ARHGAP39: variants seen among roughly 807,000 people sequenced by gnomAD.
The protein encoded by ARHGAP39 is Rho GTPase activating protein 39, also known as rho GTPase-activating protein 39.
In ARHGAP39, 44 loss-of-function variants were observed where a neutral mutation model predicts 106.9. The observed-to-expected ratio is 0.41, with a 90% confidence interval of 0.32 to 0.53. The LOEUF is 0.53. Among genes scored for constraint, ARHGAP39 ranks in the 20% least tolerant of loss-of-function variants. The pLI is 0.21. For missense variants in ARHGAP39, 1,496 were observed against 1,577.3 expected, an observed-to-expected ratio of 0.95 and a Z score of 0.87; for synonymous variants, 768 against 693.2, an observed-to-expected ratio of 1.11 and a Z score of -1.69.
intron 1 of ARHGAP39, among the ~76,000 whole-genome samples, chr8:144,681,448 C>T (rs1055355970): frequency 4.6e-5 from 7 of 152,274 alleles, no homozygotes; most frequent in African/African-American, 9.6e-5. Flanking sequence ...TGAGACGGAT[C>T]GCATAAGGTC....
chr8:144,693,076 TTTTA>T, the ARHGAP39 span, among the ~76,000 whole-genome samples: 1 of 142,862 alleles, frequency 7.0e-6, no homozygotes, highest in African/African-American at 2.6e-5. Context: ...TTTTTTTTTT[TTTTA>T]TTGAGACAGA....
chr8:144,601,676 G>C (rs1216985455), intron 2 of ARHGAP39, among the ~76,000 whole-genome samples: 6 of 142,644 alleles, frequency 4.2e-5, no homozygotes, highest in African/African-American at 1.6e-4. Flanking sequence ...GTGCGTGCGA[G>C]CTCATGTACC....
chr8:144,579,732 T>C (rs1342022167), intron 3 of ARHGAP39, among the ~76,000 whole-genome samples: 1 of 152,162 alleles, frequency 6.6e-6, no homozygotes, highest in African/African-American at 2.4e-5. Context: ...AAGCCTCAGA[T>C]GAGCCCGGCA....
chr8:144,535,680 C>G (rs1232577268), intron 7 of ARHGAP39, among the ~76,000 whole-genome samples: 2 of 152,242 alleles, frequency 1.3e-5, no homozygotes, highest in African/African-American at 4.8e-5. Flanking sequence ...AGGCCCTGAT[C>G]TCCTGTCCCC....
In ARHGAP39 at chr8:144,530,780, GGGGCTGTCGTAGTGCGCGAT is replaced by G; in HGVS notation, c.3052_3071del (p.Ile1018ArgfsTer147). 6.2e-7 allele frequency: 1 copy of G among 1,611,532 alleles called. No homozygotes were observed. The highest frequency in any genetic ancestry group is 1.1e-5 in the South Asian group (1 of 90,920). On this transcript the variant is annotated frameshift_variant, in exon 11 of 12. Transcript: ENST00000377307. LOFTEE classifies it high-confidence loss of function. ...CGTGCACCACGGCCACCGCCGCCTC[GGGGCTGTCGTAGTGCGCGAT>G]GCACTGCTCGTAGAACTCGTGCGGG... is the stretch of plus-strand genomic sequence containing the variant.
chr8:144,533,320 C>T lies in ARHGAP39; in HGVS notation c.2694G>A (p.Leu898=). 4 of 1,612,698 alleles carry T rather than the reference C, an allele frequency of 2.5e-6. No homozygotes were observed. Among genetic ancestry groups the T allele is most frequent in the South Asian group, 2.2e-5 (2 of 91,084 alleles). ...GGATCTCCTCCACGTTGGGCTTCTT[C>T]AGCCCCTGTGAAGACAGAGGCTCCG... ...KAALTGAKKG[L]KKPNVEEIRH... is the part of the protein sequence containing the mutation. The change falls in exon 9 of 12, where the codon CTG becomes CTA. Residue 898 remains leucine, a synonymous_variant. Transcript: ENST00000377307.
rs1219547449 is a variant in ARHGAP39, at chr8:144,644,788, C to A, written c.-81-39093G>T. 6.6e-6 allele frequency among the ~76,000 whole-genome samples: 1 copy of A among 152,208 alleles called. No individual in the cohort carries two copies. Among genetic ancestry groups the A allele is most frequent in the African/African-American group, 2.4e-5 (1 of 41,444 alleles). The stretch of plus-strand genomic sequence containing the variant: ...GTGTCTGCACAGCTCTTGGCTGCAC[C>A]TGCACTCTGAGTCATTGCAGGCACC... On this transcript the variant is annotated intron_variant, in intron 1 of 11. Coordinates refer to ENST00000377307, the MANE Select transcript of ARHGAP39 (RefSeq NM_025251.3). This position sits in a 1 kb window ranked among gnomAD's most constrained non-coding sequence, Gnocchi z 4.8.
chr8:144,573,774 A>T (rs1036104355), intron 3 of ARHGAP39, among the ~76,000 whole-genome samples: 13 of 152,194 alleles, frequency 8.5e-5, no homozygotes, highest in Non-Finnish European at 1.6e-4. Context: ...TCAAAAAAAT[A>T]AAAAAATTAT....
intron 2 of ARHGAP39, among the ~76,000 whole-genome samples, chr8:144,594,694 CAA>C (rs56889764): frequency 0.02 from 1,591 of 80,242 alleles, 32 homozygotes; most frequent in African/African-American, 0.061. Flanking sequence ...AACGCCACCT[CAA>C]AAAAAAAAAA....
the ARHGAP39 span, chr8:144,698,887 T>G: frequency 2.2e-6 from 1 of 455,672 alleles, no homozygotes; most frequent in Non-Finnish European, 4.4e-6. Flanking sequence ...CACCCCTCCC[T>G]TGGGGGGGTT....
At chr8:144,662,622 C>A (rs375710562) in intron 1 of ARHGAP39, among the ~76,000 whole-genome samples, 1 of 149,972 alleles carries the variant, frequency 6.7e-6, no homozygotes, top group Admixed American at 6.6e-5. Context: ...CACCTTGGGC[C>A]GCTCCCCACT....
intron 2 of ARHGAP39, among the ~76,000 whole-genome samples, chr8:144,602,487 C>T (rs564391655): frequency 3.6e-5 from 4 of 110,882 alleles, no homozygotes; most frequent in African/African-American, 3.6e-5. Flanking sequence ...GGTGTGTGCG[C>T]GAGCTCATGT....
rs575318697 is a variant in ARHGAP39 at position 144,602,580 on chromosome 8, G to A, written c.80+2955C>T. ...TGCGTGCGAGCTCGTGTACCTGTGT[G>A]CATGTGTGTGGAGGTGTGTGTGCGA... On this transcript the variant is annotated intron_variant, in intron 2 of 11. Coordinates refer to ENST00000377307, the MANE Select transcript of ARHGAP39 (RefSeq NM_025251.3). 2.7e-3 allele frequency among the ~76,000 whole-genome samples: 386 copies of A among 144,420 alleles called. 3 individuals carry two copies. The highest frequency in any genetic ancestry group is 3.4e-3 in the Non-Finnish European group (223 of 66,400). The allele number at this position is 144,420 out of a possible 152,430, so 94.7% of individuals were successfully genotyped here.
chr8:144,610,492 A>G (rs1013129542), intron 1 of ARHGAP39, among the ~76,000 whole-genome samples: 1 of 151,944 alleles, frequency 6.6e-6, no homozygotes, highest in Non-Finnish European at 1.5e-5. Context: ...TGGGTGGATC[A>G]CGAGATCAGG....
intron 1 of ARHGAP39, among the ~76,000 whole-genome samples, chr8:144,629,511 G>C (rs1001769720): frequency 3.9e-5 from 6 of 152,228 alleles, no homozygotes; most frequent in Admixed American, 2.0e-4. Context: ...CAAGTGTGAG[G>C]GGCTCATCCT....
chr8:144,551,063 T>C (rs745568520), intron 4 of ARHGAP39, among the ~76,000 whole-genome samples: 1 of 152,228 alleles, frequency 6.6e-6, no homozygotes, highest in Non-Finnish European at 1.5e-5. Context: ...TAGTTTTGCA[T>C]ATCTGTGACT....
At chr8:144,539,924 CA>C (rs959521044) in intron 6 of ARHGAP39, among the ~76,000 whole-genome samples, 16 of 151,796 alleles carry the variant, frequency 1.1e-4, no homozygotes, top group African/African-American at 3.4e-4. Flanking sequence ...ATTTCTAAAA[CA>C]AAAAAAAGTG....
chr8:144,606,163 C>A (rs1228255798), intron 1 of ARHGAP39, among the ~76,000 whole-genome samples: 2 of 152,220 alleles, frequency 1.3e-5, no homozygotes, highest in Non-Finnish European at 2.9e-5. Context: ...GGACACGGGG[C>A]CACACGTGTA....
At chr8:144,620,023 A>T (rs1284934661) in intron 1 of ARHGAP39, among the ~76,000 whole-genome samples, 4 of 142,112 alleles carry the variant, frequency 2.8e-5, no homozygotes, top group Non-Finnish European at 6.1e-5. Flanking sequence ...CGTCCCTGAC[A>T]GTGTGTGCCG....
Sources: allele counts gnomAD v4.1 joint callset (sites outside exome capture counted in the v4.1 genomes callset), GRCh38; gene constraint gnomAD v4.1.1; non-coding constraint Gnocchi (gnomAD v3.1); transcripts MANE v1.5; gene names NCBI Gene and HGNC (gene_info 2026-07-23, HGNC 2026-07-21).